CTBP1: variants seen among roughly 807,000 people sequenced by gnomAD.
The protein encoded by CTBP1 is C-terminal binding protein 1, also known as C-terminal-binding protein 1.
CTBP1 carries 11 observed loss-of-function variants against 42.1 expected under a neutral mutation model. That is an observed-to-expected ratio of 0.26 (90% confidence interval 0.16 to 0.43). The LOEUF is 0.43. Ranked by LOEUF, CTBP1 falls within the 20% of genes least tolerant of loss-of-function variation. CTBP1 has a pLI of 1.00. For synonymous variants in CTBP1, 324 were observed against 277.1 expected, an observed-to-expected ratio of 1.17 and a Z score of -1.68; for missense variants, 399 against 624.3, an observed-to-expected ratio of 0.64 and a Z score of 3.85.
Position 1,238,072 on chromosome 4 carries a change from C to T in CTBP1, c.162+111G>A, listed in dbSNP as rs1201597743. On this transcript the variant is annotated intron_variant, in intron 3 of 9. Coordinates refer to ENST00000382952, the MANE Select transcript of CTBP1 (RefSeq NM_001012614.2). The surrounding 1 kb of genome is among the most constrained non-coding windows in gnomAD (Gnocchi z 5.9). ...CGGGACGACTGGGACAGAGGCTGCT[C>T]CTGCCCCAGTGGCACCCAGACCTGC... 5 of 1,405,208 alleles carry T rather than the reference C, an allele frequency of 3.6e-6. No homozygotes were observed. Among genetic ancestry groups the T allele is most frequent in the South Asian group, 2.3e-5 (2 of 87,128 alleles). The allele number at this position is 1,405,208 out of a possible 1,614,324, so 87.0% of individuals were successfully genotyped here.
intron 2 of CTBP1, among the ~76,000 whole-genome samples, chr4:1,239,761 G>A (rs534399081): frequency 2.6e-5 from 4 of 152,338 alleles, no homozygotes; most frequent in African/African-American, 7.2e-5. Context: ...TGGCGTCCTC[G>A]GAGGAGCCAC....
chr4:1,214,548 A>C lies in CTBP1; in HGVS notation c.730-75T>G. On this transcript the variant is annotated intron_variant, in intron 6 of 9. Coordinates refer to ENST00000382952, the MANE Select transcript of CTBP1 (RefSeq NM_001012614.2). ...GGGCAGCCAGGGAAGCAAGGTGGTCACGCACGCCGTTGGGAAGGCCCAGCT... is the reference window on the plus strand; with the variant it reads ...GGGCAGCCAGGGAAGCAAGGTGGTCCCGCACGCCGTTGGGAAGGCCCAGCT... 3 of 1,486,258 alleles carry C rather than the reference A, an allele frequency of 2.0e-6. No homozygotes were observed. In the South Asian group the frequency reaches 4.1e-5, roughly 20 times the overall value. The allele number at this position is 1,486,258 out of a possible 1,614,324, so 92.1% of individuals were successfully genotyped here.
intron 1 of CTBP1, among the ~76,000 whole-genome samples, chr4:1,248,148 G>A (rs928884054): frequency 4.6e-5 from 7 of 152,132 alleles, no homozygotes; most frequent in African/African-American, 1.4e-4. Flanking sequence ...TGGCAAGCCC[G>A]GCGCCCGCCC....
At chr4:1,216,686 GCCCCGCTGGGCTCAGGTCCTGA>G (rs1179431884) in intron 5 of CTBP1, 2 of 206,996 alleles carry the variant, frequency 9.7e-6, no homozygotes, top group Non-Finnish European at 1.0e-5. Flanking sequence ...GACCAGGGAG[GCCCCGCTGGGCTCAGGTCCTGA>G]CCCCTTCGAG....
At chr4:1,219,251 C>CTAA (rs1299160382) in intron 5 of CTBP1, among the ~76,000 whole-genome samples, 2 of 152,138 alleles carry the variant, frequency 1.3e-5, no homozygotes, top group East Asian at 3.8e-4. Context: ...ACTTCGGAGG[C>CTAA]TAAGGCAAGA....
chr4:1,249,152 G>T, upstream of CTBP1: 1 of 148,440 alleles, frequency 6.7e-6, no homozygotes, highest in East Asian at 2.0e-4. Flanking sequence ...GGCGCGCGCG[G>T]GCGGGGCCTC....
chr4:1,242,245 C>T (rs1397952563), intron 1 of CTBP1: 4 of 985,296 alleles, frequency 4.1e-6, no homozygotes, highest in Non-Finnish European at 3.6e-6. Flanking sequence ...TGAGAGTGCA[C>T]ACGATCGCCC....
chr4:1,212,420 G>T lies in CTBP1; in HGVS notation c.1110C>A (p.Tyr370Ter). 2.1e-6 allele frequency: 3 copies of T among 1,453,778 alleles called. No homozygotes were observed. Among genetic ancestry groups the T allele is most frequent in the Non-Finnish European group, 2.7e-6 (3 of 1,105,526 alleles). 90.1% of individuals were successfully genotyped at this position (1,453,778 alleles called of 1,614,324 possible). A position where few individuals can be genotyped will look rare whatever the true frequency, so the allele number is the denominator to read the frequency against. Reference sequence around the variant, plus strand: ...GGGCCACGCCCACCACGCCCGGAGGGTACCTGCTGGGAGAGGGTCCATCCG... The same window carrying T: ...GGGCCACGCCCACCACGCCCGGAGGTTACCTGCTGGGAGAGGGTCCATCCG... Reference protein sequence around the residue: ...HPELNGAAYRYPPGVVGVAPT... With the variant: ...HPELNGAAYR The change falls in exon 10 of 10, where the codon TAC (tyrosine) becomes TAA (stop). Residue 370 changes from tyrosine (Y) to a stop codon, truncating the protein, a stop_gained. Coordinates refer to ENST00000382952, the MANE Select transcript of CTBP1 (RefSeq NM_001012614.2). LOFTEE classifies it high-confidence loss of function.
intron 1 of CTBP1, chr4:1,245,250 G>A (rs1732598522): frequency 1.0e-6 from 1 of 985,328 alleles, no homozygotes; most frequent in Admixed American, 6.1e-5. Flanking sequence ...CAGCGCAGGG[G>A]CTGTGATCAA....
At position 1,248,968 on chromosome 4, in the gene CTBP1, G is replaced by C; in HGVS notation, c.-241C>G. The C allele has an allele frequency of 5.0e-6, 5 of 996,930 alleles. No homozygotes were observed. The highest frequency in any genetic ancestry group is 6.0e-6 in the Non-Finnish European group (5 of 834,896). The allele number at this position is 996,930 out of a possible 1,614,324, so 61.8% of individuals were successfully genotyped here. ...GCGAGCTGCCCATCGAGAGGCGCGA[G>C]CGGCCGCGGGCCCCGACCACTCCGG... On this transcript the variant is annotated 5_prime_UTR_variant, in exon 1 of 10. Transcript: ENST00000382952.
At chr4:1,240,667 G>T (rs1732079106) in intron 2 of CTBP1, among the ~76,000 whole-genome samples, 1 of 152,130 alleles carries the variant, frequency 6.6e-6, no homozygotes, top group Non-Finnish European at 1.5e-5. Flanking sequence ...TCCCTCAGCT[G>T]AACGGTGGGG....
At chr4:1,236,848 G>T (rs13108263) in intron 3 of CTBP1, 6 of 449,474 alleles carry the variant, frequency 1.3e-5, no homozygotes, top group Admixed American at 3.9e-5. Flanking sequence ...GGACAAACCC[G>T]GTGTCCACCT....
intron 3 of CTBP1, among the ~76,000 whole-genome samples, chr4:1,234,356 T>A (rs1731269324): frequency 6.6e-6 from 1 of 152,232 alleles, no homozygotes; most frequent in African/African-American, 2.4e-5. Context: ...CGGCTCTGCT[T>A]CTGGTTAGGG....
chr4:1,233,459 T>G lies in CTBP1; in HGVS notation c.162+4724A>C, dbSNP rs1332142710. On this transcript the variant is annotated intron_variant, in intron 3 of 9. Transcript: ENST00000382952. The surrounding 1 kb of genome is among the most constrained non-coding windows in gnomAD (Gnocchi z 4.6). ...GGTCCTCGCAGGCCACTGCGTCCTGTGCCCTCCCGGAGCCGCCCTGCCGCT... is the reference window on the plus strand; with the variant it reads ...GGTCCTCGCAGGCCACTGCGTCCTGGGCCCTCCCGGAGCCGCCCTGCCGCT... Among the ~76,000 whole-genome samples the G allele has an allele frequency of 6.6e-6, 1 of 152,154 alleles. No homozygotes were observed. Among genetic ancestry groups the G allele is most frequent in the Non-Finnish European group, 1.5e-5 (1 of 68,014 alleles).
chr4:1,247,721 G>C (rs1178227470), intron 1 of CTBP1, among the ~76,000 whole-genome samples: 1 of 150,624 alleles, frequency 6.6e-6, no homozygotes, highest in South Asian at 2.1e-4. Flanking sequence ...CCCGAGGGAC[G>C]TGTGCTCCCT....
intron 1 of CTBP1, chr4:1,243,759 C>T (rs1034857348): frequency 1.0e-6 from 1 of 985,438 alleles, no homozygotes. Flanking sequence ...CCCACACACT[C>T]CGAGGTGAAG....
intron 4 of CTBP1, 93 bp downstream of exon 4, chr4:1,228,106 G>C: frequency 6.6e-7 from 1 of 1,518,310 alleles, no homozygotes; most frequent in South Asian, 1.2e-5. Context: ...GTGCAACGGG[G>C]TCCTCAGTGT....
chr4:1,230,732 A>G (rs1335253633), intron 3 of CTBP1, among the ~76,000 whole-genome samples: 1 of 152,240 alleles, frequency 6.6e-6, no homozygotes, highest in Admixed American at 6.5e-5. Flanking sequence ...GCACATTCGG[A>G]GGAGACAGCG....
intron 2 of CTBP1, among the ~76,000 whole-genome samples, chr4:1,239,342 G>T (rs920773866): frequency 1.3e-5 from 2 of 152,138 alleles, no homozygotes; most frequent in African/African-American, 4.8e-5. Context: ...GGCCCAGCCG[G>T]TCCCTCCCCT....
Sources: gnomAD v4.1 joint callset for allele counts (sites outside exome capture counted in the v4.1 genomes callset) on GRCh38, gnomAD v4.1.1 for gene constraint, Gnocchi (gnomAD v3.1) non-coding constraint, MANE v1.5 for transcripts, NCBI Gene and HGNC (gene_info 2026-07-23, HGNC 2026-07-21) for gene names.